Variants in MAPRE2 observed in about 807,000 individuals in gnomAD.
MAPRE2 encodes the protein microtubule associated protein RP/EB family member 2.
In MAPRE2, 13 loss-of-function variants were observed where a neutral mutation model predicts 43.2. The observed-to-expected ratio is 0.30, with a 90% CI of 0.20 to 0.48. The LOEUF is 0.48. Among genes scored for constraint, MAPRE2 ranks in the 20% least tolerant of loss-of-function variants. MAPRE2 has a pLI of 0.99. For missense variants in MAPRE2, 161 were observed against 400.2 expected (o/e 0.40, Z 5.10); for synonymous variants, 135 against 148.8 (o/e 0.91, Z 0.68).
intron 4 of MAPRE2, among the ~76,000 whole-genome samples, chr18:35,111,736 T>C (rs1046286637): frequency 1.3e-5 from 2 of 152,212 alleles, no homozygotes; most frequent in Non-Finnish European, 2.9e-5. Flanking sequence ...TAAATCTTCA[T>C]TTACCTTTTG....
chr18:34,985,518 T>TAATA (rs2097020070), intron 1 of MAPRE2, among the ~76,000 whole-genome samples: 1 of 61,014 alleles, frequency 1.6e-5, no homozygotes, highest in African/African-American at 7.6e-5. Flanking sequence ...AATATATATA[T>TAATA]TATATATTAT....
At chr18:35,041,898 C>T in intron 1 of MAPRE2, 1 of 921,484 alleles carries the variant, frequency 1.1e-6, no homozygotes, top group Non-Finnish European at 1.6e-6. Context: ...GAGGGGTCTC[C>T]CTCCATCTCT....
intron 2 of MAPRE2, among the ~76,000 whole-genome samples, chr18:35,030,897 C>T (rs1206026438): frequency 1.3e-5 from 2 of 152,214 alleles, no homozygotes; most frequent in Non-Finnish European, 2.9e-5. Context: ...ACAAATCATG[C>T]TCCTACCTCA....
chr18:35,127,127 C>CGTGTGTAAGAGGTAGGGG, intron 5 of MAPRE2, 40 bp downstream of exon 5: 1 of 1,611,846 alleles, frequency 6.2e-7, no homozygotes, highest in Non-Finnish European at 8.5e-7. Flanking sequence ...GGAGCAGTGA[C>CGTGTGTAAGAGGTAGGGG]GTGTGTAAGA....
At chr18:35,130,326 T>C (rs145532616) in intron 5 of MAPRE2, among the ~76,000 whole-genome samples, 1,945 of 152,346 alleles carry the variant, frequency 0.013, 39 homozygotes, top group African/African-American at 0.045. Flanking sequence ...TTCAGTTTTT[T>C]TGTACATCTT....
chr18:35,079,295 A>G (rs1178685372), intron 2 of MAPRE2, among the ~76,000 whole-genome samples: 2 of 152,214 alleles, frequency 1.3e-5, no homozygotes, highest in Admixed American at 1.3e-4. Context: ...TTTTCTTACA[A>G]GCTTGGTTCC....
chr18:35,041,380 GC>G, upstream of MAPRE2: 1 of 1,474,996 alleles, frequency 6.8e-7, no homozygotes, highest in Non-Finnish European at 9.0e-7. Context: ...AGAGGGCGGG[GC>G]CGCAGGAGGG....
intron 6 of MAPRE2, among the ~76,000 whole-genome samples, chr18:35,138,647 A>G (rs1412838768): frequency 6.6e-6 from 1 of 152,198 alleles, no homozygotes; most frequent in African/African-American, 2.4e-5. Flanking sequence ...ATTTTAACTC[A>G]TTAACTCCTC....
At chr18:35,037,150 G>T (rs1455533595), upstream of MAPRE2, among the ~76,000 whole-genome samples, 1 of 134,148 alleles carries the variant, frequency 7.5e-6, no homozygotes, top group African/African-American at 2.7e-5. Flanking sequence ...GTTCCTTGAA[G>T]TGAAAGCCTG....
At chr18:35,128,831 C>T (rs627280) in intron 5 of MAPRE2, among the ~76,000 whole-genome samples, 25,961 of 152,110 alleles carry the variant, frequency 0.17, 2,472 homozygotes, top group East Asian at 0.29. Context: ...CCTCTCCAGC[C>T]CAAAGTATAA....
intron 1 of MAPRE2, among the ~76,000 whole-genome samples, chr18:35,066,782 G>A (rs746234545): frequency 1.3e-5 from 2 of 152,180 alleles, no homozygotes; most frequent in East Asian, 1.9e-4. Flanking sequence ...GCCTAAAATC[G>A]GAAAAGCTGG....
intron 4 of MAPRE2, among the ~76,000 whole-genome samples, chr18:35,117,368 A>G (rs1603402813): frequency 6.6e-6 from 1 of 152,314 alleles, no homozygotes; most frequent in Middle Eastern, 3.4e-3. Context: ...CAGGCTGGCC[A>G]CCATCGGAAA....
At chr18:35,074,883 T>A (rs1209927401) in intron 2 of MAPRE2, among the ~76,000 whole-genome samples, 3 of 152,220 alleles carry the variant, frequency 2.0e-5, no homozygotes, top group Non-Finnish European at 2.9e-5. Flanking sequence ...TGTCTGTCAC[T>A]GAAAGCTGTT....
intron 1 of MAPRE2, among the ~76,000 whole-genome samples, chr18:35,002,031 C>G (rs957197505): frequency 6.6e-6 from 1 of 152,132 alleles, no homozygotes; most frequent in East Asian, 1.9e-4. Flanking sequence ...AGGTTCAGAA[C>G]ATTTCCATCA....
At chr18:35,012,104 TA>T (rs1172614462) in intron 2 of MAPRE2, among the ~76,000 whole-genome samples, 1 of 152,068 alleles carries the variant, frequency 6.6e-6, no homozygotes, top group Non-Finnish European at 1.5e-5. Context: ...CTGGCATGAG[TA>T]AGTGGGGGCT....
At chr18:34,981,887 A>ATTTTTTTTTTTTTTTTTTTTTTTTT (rs1261290510) in intron 1 of MAPRE2, among the ~76,000 whole-genome samples, 2 of 34,780 alleles carry the variant, frequency 5.8e-5, no homozygotes, top group African/African-American at 1.2e-4. Context: ...ATTTTTATTT[A>ATTTTTTTTTTTTTTTTTTTTTTTTT]TTTTTTTTTT....
intron 2 of MAPRE2, among the ~76,000 whole-genome samples, chr18:35,095,977 G>A (rs995820193): frequency 1.1e-4 from 16 of 152,094 alleles, no homozygotes; most frequent in African/African-American, 3.6e-4. Flanking sequence ...AGAGATATTC[G>A]TTATGGCCTA....
At chr18:35,023,022 A>G (rs1372459670) in intron 2 of MAPRE2, among the ~76,000 whole-genome samples, 1 of 152,232 alleles carries the variant, frequency 6.6e-6, no homozygotes, top group Non-Finnish European at 1.5e-5. Context: ...TACTGTGTTG[A>G]TAAGAATAGA....
At chr18:35,029,934 T>C (rs1219901718) in intron 2 of MAPRE2, among the ~76,000 whole-genome samples, 2 of 152,258 alleles carry the variant, frequency 1.3e-5, no homozygotes, top group Admixed American at 6.5e-5. Flanking sequence ...AAGCAGATTG[T>C]AGCTTTGAAT....
Sources: gnomAD v4.1 joint callset for allele counts (sites outside exome capture counted in the v4.1 genomes callset) on GRCh38, gnomAD v4.1.1 for gene constraint, MANE v1.5 for transcripts, NCBI Gene and HGNC (gene_info 2026-07-23, HGNC 2026-07-21) for gene names.